IL1RAP: variants seen among roughly 807,000 people sequenced by gnomAD.
IL1RAP encodes the protein interleukin 1 receptor accessory protein, also known as interleukin-1 receptor accessory protein.
A neutral mutation model predicts 60.7 loss-of-function variants in IL1RAP; 35 were observed. That is an observed-to-expected ratio of 0.58 (90% CI 0.44 to 0.76). The LOEUF is 0.76. Among genes scored for constraint, IL1RAP ranks in the 30% least tolerant of loss-of-function variants. The pLI, the probability that IL1RAP is intolerant of heterozygous loss-of-function variation, is 0.00. For missense variants in IL1RAP, 572 were observed against 693.9 expected (o/e 0.82, Z 1.97); for synonymous variants, 268 against 250.9 (o/e 1.07, Z -0.64).
rs142425635 is a variant in IL1RAP, at chr3:190,593,424, C to T, written c.65-10704C>T. 3.2e-3 allele frequency among the ~76,000 whole-genome samples: 488 copies of T among 152,278 alleles called. 3 individuals are homozygous for T. Among genetic ancestry groups the T allele is most frequent in the African/African-American group, 9.5e-3 (396 of 41,556 alleles). On this transcript the variant is annotated intron_variant, in intron 3 of 11. Transcript: ENST00000447382. Reference sequence around the variant, plus strand: ...TCTAGACTTTGTTTGGGTAGCTCTACCCTGAATAAACATATCTAAGTTTTA... The same window carrying T: ...TCTAGACTTTGTTTGGGTAGCTCTATCCTGAATAAACATATCTAAGTTTTA...
chr3:190,565,392 T>C (rs1003583531), intron 3 of IL1RAP, among the ~76,000 whole-genome samples: 11 of 152,354 alleles, frequency 7.2e-5, no homozygotes, highest in African/African-American at 2.6e-4. Flanking sequence ...AACCATGACC[T>C]CAGTGTTCTG....
At chr3:190,641,076 C>T (rs1342495280) in intron 9 of IL1RAP, among the ~76,000 whole-genome samples, 1 of 152,196 alleles carries the variant, frequency 6.6e-6, no homozygotes, top group African/African-American at 2.4e-5. Context: ...AGCGATTCTC[C>T]TGCCTCAGCC....
chr3:190,521,854 A>T lies in IL1RAP; in HGVS notation c.-89+7635A>T, dbSNP rs559093078. ...GGGAAATGATAATAGAGCCTTTCTTAAAAAAAAAGCAAGTTCTGTATCACC... is the reference window on the plus strand; with the variant it reads ...GGGAAATGATAATAGAGCCTTTCTTTAAAAAAAAGCAAGTTCTGTATCACC... On this transcript the variant is annotated intron_variant, in intron 1 of 11. Transcript: ENST00000447382. Among the ~76,000 whole-genome samples the T allele has an allele frequency of 2.9e-3, 393 of 133,276 alleles. 3 individuals are homozygous for T. The highest frequency in any genetic ancestry group is 0.013 in the African/African-American group (364 of 28,280). 87.4% of individuals were successfully genotyped at this position (133,276 alleles called of 152,430 possible). A position where few individuals can be genotyped will look rare whatever the true frequency, so the allele number is the denominator to read the frequency against.
At chr3:190,534,913 TA>T (rs77663032) in intron 1 of IL1RAP, among the ~76,000 whole-genome samples, 2,898 of 127,462 alleles carry the variant, frequency 0.023, 82 homozygotes, top group African/African-American at 0.07. Context: ...GTAAGAGAAT[TA>T]AAAAAAAAAA....
intron 9 of IL1RAP, among the ~76,000 whole-genome samples, chr3:190,633,631 G>T (rs2108829706): frequency 6.6e-6 from 1 of 152,196 alleles, no homozygotes; most frequent in African/African-American, 2.4e-5. Flanking sequence ...AAAGTGCTGG[G>T]ATTATAGTCG....
chr3:190,655,819 T>C (rs1734600315), downstream of IL1RAP: 3 of 1,112,690 alleles, frequency 2.7e-6, no homozygotes, highest in Non-Finnish European at 3.9e-6. Context: ...CTCTGGAGGA[T>C]GGACAATAAC....
intron 4 of IL1RAP, among the ~76,000 whole-genome samples, chr3:190,608,321 A>G (rs1380079212): frequency 1.3e-5 from 2 of 152,170 alleles, no homozygotes; most frequent in African/African-American, 4.8e-5. Flanking sequence ...TACTGTAGGC[A>G]ATTATCACAC....
At chr3:190,555,624 G>A (rs1202411690) in intron 1 of IL1RAP, among the ~76,000 whole-genome samples, 1 of 152,106 alleles carries the variant, frequency 6.6e-6, no homozygotes. Context: ...TTACACAGCA[G>A]TTGTTTTGTA....
chr3:190,522,290 C>CTTCCT (rs1553824636), intron 1 of IL1RAP, among the ~76,000 whole-genome samples: 4 of 11,884 alleles, frequency 3.4e-4, no homozygotes, highest in Admixed American at 1.0e-3. Context: ...CCTTCCTTTG[C>CTTCCT]TTCCTTCCTT....
chr3:190,576,912 G>GACCATCCT, intron 3 of IL1RAP, among the ~76,000 whole-genome samples: 1 of 151,716 alleles, frequency 6.6e-6, no homozygotes, highest in African/African-American at 2.4e-5. Context: ...AGGAGATCGA[G>GACCATCCT]AGCACGGTGA....
downstream of IL1RAP, chr3:190,655,878 T>C: frequency 6.6e-7 from 1 of 1,525,342 alleles, no homozygotes; most frequent in Non-Finnish European, 8.8e-7. Flanking sequence ...TATATTTCCA[T>C]TTTCCTATAG....
chr3:190,621,364 G>A (rs1026055278), intron 6 of IL1RAP, among the ~76,000 whole-genome samples: 12 of 151,996 alleles, frequency 7.9e-5, no homozygotes, highest in Non-Finnish European at 1.0e-4. Context: ...AAACAATGTC[G>A]TAATCACTTC....
intron 9 of IL1RAP, among the ~76,000 whole-genome samples, chr3:190,632,641 T>C (rs938146575): frequency 6.6e-6 from 1 of 152,234 alleles, no homozygotes; most frequent in African/African-American, 2.4e-5. Context: ...GGTTTCTAAA[T>C]TCAGTATTAG....
At chr3:190,569,173 G>C (rs1378937183) in intron 3 of IL1RAP, among the ~76,000 whole-genome samples, 1 of 152,262 alleles carries the variant, frequency 6.6e-6, no homozygotes, top group Non-Finnish European at 1.5e-5. Flanking sequence ...TTCAGGTAAA[G>C]AGAATGTCCA....
Position 190,644,417 on chromosome 3 carries a change from C to T in IL1RAP, c.1201+20C>T, listed in dbSNP as rs1733866188. On this transcript the variant is annotated intron_variant, in intron 10 of 11. Transcript: ENST00000447382. ...TTTTAGGTAAGTAACAGAAATTTGA[C>T]ATAAACCTCTTCTACTGTCATCTTT... 6 of 1,575,304 alleles carry T rather than the reference C, an allele frequency of 3.8e-6. No homozygotes were observed. The highest frequency in any genetic ancestry group is 4.4e-6 in the Non-Finnish European group (5 of 1,145,154).
At chr3:190,585,342 C>T (rs938449533) in intron 3 of IL1RAP, among the ~76,000 whole-genome samples, 3 of 152,184 alleles carry the variant, frequency 2.0e-5, no homozygotes, top group Admixed American at 1.3e-4. Context: ...TCTCCCCACC[C>T]CCTCAGCCCG....
intron 3 of IL1RAP, among the ~76,000 whole-genome samples, chr3:190,592,321 G>A (rs1015591654): frequency 6.6e-6 from 1 of 152,224 alleles, no homozygotes. Context: ...ACTTTGATGA[G>A]AGAAGCAGAG....
chr3:190,534,183 C>T (rs945713672), intron 1 of IL1RAP, among the ~76,000 whole-genome samples: 2 of 151,788 alleles, frequency 1.3e-5, no homozygotes, highest in African/African-American at 4.8e-5. Context: ...TCCTACCGAT[C>T]GGTGCTGCAA....
intron 1 of IL1RAP, among the ~76,000 whole-genome samples, chr3:190,541,578 G>A (rs1020027211): frequency 6.6e-6 from 1 of 151,988 alleles, no homozygotes; most frequent in South Asian, 2.1e-4. Context: ...CCTCCAAGTT[G>A]GAATCTGATT....
Sources: gnomAD v4.1 joint callset for allele counts (sites outside exome capture counted in the v4.1 genomes callset) on GRCh38, gnomAD v4.1.1 for gene constraint, MANE v1.5 for transcripts, NCBI Gene and HGNC (gene_info 2026-07-23, HGNC 2026-07-21) for gene names.